Variants in ABHD17B observed in about 807,000 individuals in gnomAD.
The protein encoded by ABHD17B is alpha/beta hydrolase domain-containing protein 17B.
ABHD17B carries 9 observed loss-of-function variants against 26.2 expected under a neutral mutation model. The observed-to-expected ratio is 0.34, with a 90% CI of 0.21 to 0.60. ABHD17B has a LOEUF of 0.60. Among genes scored for constraint, ABHD17B ranks in the 20% least tolerant of loss-of-function variants. The pLI is 0.80. For synonymous variants in ABHD17B, 127 were observed against 122.3 expected (o/e 1.04, Z -0.25); for missense variants, 224 against 352.1 (o/e 0.64, Z 2.91).
In ABHD17B at chr9:71,865,952, A is replaced by G. The variant is rs1825945924; in HGVS notation, c.*835T>C. On this transcript the variant is annotated 3_prime_UTR_variant, in exon 4 of 4. Transcript: ENST00000333421. ...TCAACTCATGGACTTTCGGGATTTC[A>G]TACAATGAAGACTACTGCAATTCTA... 1 of 985,284 alleles carries G rather than the reference A, an allele frequency of 1.0e-6. No individual in the cohort carries two copies. The highest frequency in any genetic ancestry group is 1.2e-6 in the Non-Finnish European group (1 of 829,904). 61.0% of individuals were successfully genotyped at this position (985,284 alleles called of 1,614,324 possible).
chr9:71,894,087 CAAAAAAAAAAAAAAAAA>C (rs1180729763), intron 1 of ABHD17B, among the ~76,000 whole-genome samples: 1 of 52,306 alleles, frequency 1.9e-5, no homozygotes, highest in Non-Finnish European at 3.1e-5. Flanking sequence ...GACTCTATCT[CAAAAAAAAAAAAAAAAA>C]AAAAAAAAAA....
At chr9:71,884,823 G>C (rs1826558345) in intron 1 of ABHD17B, among the ~76,000 whole-genome samples, 2 of 151,964 alleles carry the variant, frequency 1.3e-5, no homozygotes, top group South Asian at 4.1e-4. Context: ...TTTCTTAAAT[G>C]AATGAGTTAG....
intron 2 of ABHD17B, among the ~76,000 whole-genome samples, chr9:71,870,653 A>G (rs1826084051): frequency 6.6e-6 from 1 of 152,216 alleles, no homozygotes; most frequent in African/African-American, 2.4e-5. Flanking sequence ...TCAGTGTAAC[A>G]AAAGTTATTT....
intron 2 of ABHD17B, among the ~76,000 whole-genome samples, chr9:71,873,008 A>G (rs1826157578): frequency 1.3e-5 from 2 of 151,998 alleles, no homozygotes; most frequent in South Asian, 2.1e-4. Context: ...GATATTTTTA[A>G]TATCTTTAAT....
intron 1 of ABHD17B, among the ~76,000 whole-genome samples, chr9:71,896,634 A>G (rs1368948845): frequency 6.6e-6 from 1 of 152,088 alleles, no homozygotes; most frequent in Admixed American, 6.6e-5. Flanking sequence ...AAAGTCAAGC[A>G]AATAAACAGG....
chr9:71,902,866 TA>T (rs1189589264), intron 1 of ABHD17B, among the ~76,000 whole-genome samples: 1 of 152,142 alleles, frequency 6.6e-6, no homozygotes, highest in Non-Finnish European at 1.5e-5. Flanking sequence ...AAAACAAACT[TA>T]AAAAAACATC....
chr9:71,868,040 C>G (rs1352509619), intron 3 of ABHD17B, among the ~76,000 whole-genome samples: 1 of 104,228 alleles, frequency 9.6e-6, no homozygotes, highest in Non-Finnish European at 1.9e-5. Flanking sequence ...AACCCCGTCT[C>G]TACTAAAAAT....
chr9:71,908,413 A>AT (rs1374061228), intron 1 of ABHD17B, among the ~76,000 whole-genome samples: 1 of 150,732 alleles, frequency 6.6e-6, no homozygotes, highest in Non-Finnish European at 1.5e-5. Flanking sequence ...AAAAAAAAAA[A>AT]GGCCACAAAC....
At chr9:71,886,947 ATGTCTGGTACT>A (rs1826628447) in intron 1 of ABHD17B, among the ~76,000 whole-genome samples, 1 of 152,114 alleles carries the variant, frequency 6.6e-6, no homozygotes, top group Non-Finnish European at 1.5e-5. Context: ...AAAAAGAATC[ATGTCTGGTACT>A]TTTAAGGTAA....
chr9:71,894,449 A>T (rs1195008821), intron 1 of ABHD17B, among the ~76,000 whole-genome samples: 1 of 152,116 alleles, frequency 6.6e-6, no homozygotes, highest in Non-Finnish European at 1.5e-5. Context: ...GGGTTCAAGT[A>T]GGCTCTGCCT....
At chr9:71,878,167 G>C (rs960980215) in intron 1 of ABHD17B, among the ~76,000 whole-genome samples, 5 of 151,820 alleles carry the variant, frequency 3.3e-5, no homozygotes, top group Admixed American at 2.0e-4. Flanking sequence ...GAAATAGCTT[G>C]TTAAACTTAG....
intron 1 of ABHD17B, among the ~76,000 whole-genome samples, chr9:71,882,929 A>ATT (rs1826492094): frequency 6.6e-6 from 1 of 152,092 alleles, no homozygotes; most frequent in Non-Finnish European, 1.5e-5. Context: ...GCAGAACACG[A>ATT]GGTCAGGAGT....
At position 71,906,126 on chromosome 9, in the gene ABHD17B, G is replaced by A. The variant is rs369696073; in HGVS notation, c.-4+4508C>T. On this transcript the variant is annotated intron_variant, in intron 1 of 3. Transcript: ENST00000333421. Reference sequence around the variant, plus strand: ...GCCTCATGACTTGAATATTCTGCTGGACATTCATAGAGGGGAACAGAAAGA... The same window carrying A: ...GCCTCATGACTTGAATATTCTGCTGAACATTCATAGAGGGGAACAGAAAGA... Among the ~76,000 whole-genome samples, 214 of 152,154 alleles carry A rather than the reference G, an allele frequency of 1.4e-3. 1 individual carries two copies. The highest frequency in any genetic ancestry group is 5.0e-3 in the African/African-American group (209 of 41,504).
intron 1 of ABHD17B, among the ~76,000 whole-genome samples, chr9:71,891,641 A>G (rs972858598): frequency 6.6e-6 from 1 of 152,198 alleles, no homozygotes; most frequent in African/African-American, 2.4e-5. Context: ...TATAGTCTGA[A>G]TAGGACTGAC....
At chr9:71,882,259 C>T (rs1434740246) in intron 1 of ABHD17B, among the ~76,000 whole-genome samples, 4 of 152,220 alleles carry the variant, frequency 2.6e-5, no homozygotes, top group Non-Finnish European at 5.9e-5. Flanking sequence ...CAAGAGAAAG[C>T]AAAACCCATG....
rs151090946 is a variant in ABHD17B, at chr9:71,875,000, C to T, written c.81G>A (p.Ala27=). ...TGTAAGTTGGATCAGGTGGCAAAAA[C>T]GCTAATTTTGAAGCAATCTTCCCTG... The part of the protein sequence containing the change: ...PCPGKIASKL[A]FLPPDPTYTL... The change falls in exon 2 of 4, where the codon GCG becomes GCA. Residue 27 remains alanine, a synonymous_variant. Coordinates refer to ENST00000333421, the MANE Select transcript of ABHD17B (RefSeq NM_001025780.3). 94 of 1,614,052 alleles carry T rather than the reference C, an allele frequency of 5.8e-5. 1 individual carries two copies. The highest frequency in any genetic ancestry group is 1.6e-4 in the Middle Eastern group (1 of 6,062).
chr9:71,903,411 GAAGAA>G (rs1459887297), intron 1 of ABHD17B, among the ~76,000 whole-genome samples: 3 of 152,030 alleles, frequency 2.0e-5, no homozygotes, highest in African/African-American at 7.2e-5. Context: ...TAACACTATT[GAAGAA>G]AAGAAAGGAA....
At chr9:71,888,539 C>T (rs1459374196) in intron 1 of ABHD17B, among the ~76,000 whole-genome samples, 1 of 152,072 alleles carries the variant, frequency 6.6e-6, no homozygotes, top group East Asian at 1.9e-4. Flanking sequence ...CCCATATGTA[C>T]CTCAATATTA....
chr9:71,873,367 A>T (rs534485539), intron 2 of ABHD17B, among the ~76,000 whole-genome samples: 1 of 152,168 alleles, frequency 6.6e-6, no homozygotes, highest in Admixed American at 6.6e-5. Context: ...TGACATAGTA[A>T]GAAAATTTTA....
Sources: allele counts gnomAD v4.1 joint callset (sites outside exome capture counted in the v4.1 genomes callset), GRCh38; gene constraint gnomAD v4.1.1; transcripts MANE v1.5; gene names NCBI Gene and HGNC (gene_info 2026-07-23, HGNC 2026-07-21).